The following SPON1 variants were observed in gnomAD, a reference collection of about 807,000 sequenced individuals.
SPON1 encodes the protein spondin-1.
Under a neutral mutation model 111.7 loss-of-function variants are expected in SPON1, and 52 were observed. The observed-to-expected ratio is 0.47, with a 90% CI of 0.37 to 0.59. The LOEUF (loss-of-function observed/expected upper bound fraction) is 0.59. SPON1 is among the 20% of genes least tolerant of loss of function. The pLI is 0.00. For missense variants in SPON1, 957 were observed against 1,068.5 expected (o/e 0.90, Z 1.46); for synonymous variants, 410 against 395.8 (o/e 1.04, Z -0.43).
intron 6 of SPON1, among the ~76,000 whole-genome samples, chr11:14,167,912 GT>G (rs1303803047): frequency 6.6e-6 from 1 of 152,104 alleles, no homozygotes; most frequent in African/African-American, 2.4e-5. Flanking sequence ...TAAGACTTCA[GT>G]TTTGTCCCAT....
At chr11:13,989,825 C>T (rs367905475) in intron 2 of SPON1, among the ~76,000 whole-genome samples, 3 of 151,946 alleles carry the variant, frequency 2.0e-5, no homozygotes, top group Non-Finnish European at 4.4e-5. Flanking sequence ...TTCAGGAGCA[C>T]GTTGTTCAGT....
At chr11:14,237,056 T>C (rs1554939274) in intron 6 of SPON1, among the ~76,000 whole-genome samples, 1 of 152,198 alleles carries the variant, frequency 6.6e-6, no homozygotes, top group African/African-American at 2.4e-5. Context: ...CCAGAGGCTG[T>C]TGAAATGAGG....
chr11:14,213,232 T>C (rs1288656928), intron 6 of SPON1, among the ~76,000 whole-genome samples: 1 of 152,186 alleles, frequency 6.6e-6, no homozygotes, highest in African/African-American at 2.4e-5. Context: ...AAACTCTGTG[T>C]CCAAATAGGA....
chr11:14,163,858 A>C (rs1847996917), intron 6 of SPON1, among the ~76,000 whole-genome samples: 1 of 150,974 alleles, frequency 6.6e-6, no homozygotes, highest in South Asian at 2.1e-4. Context: ...CTTTAGCAAC[A>C]GCCCTGGTTA....
At chr11:14,245,383 C>T (rs1409063651) in intron 7 of SPON1, among the ~76,000 whole-genome samples, 1 of 152,194 alleles carries the variant, frequency 6.6e-6, no homozygotes, top group Admixed American at 6.5e-5. Flanking sequence ...GACAACAGAC[C>T]AAGTTGGGCC....
intron 2 of SPON1, among the ~76,000 whole-genome samples, chr11:14,009,012 A>G (rs1260346376): frequency 2.0e-5 from 3 of 152,144 alleles, no homozygotes; most frequent in African/African-American, 7.2e-5. Context: ...GGACGACCAT[A>G]GTAACCTTTC....
At chr11:14,052,905 G>A (rs1230154264) in intron 3 of SPON1, among the ~76,000 whole-genome samples, 1 of 152,222 alleles carries the variant, frequency 6.6e-6, no homozygotes. Flanking sequence ...TTGGTGGGAA[G>A]ACTAAAGCAC....
chr11:14,127,710 G>T (rs1467721672), intron 5 of SPON1, among the ~76,000 whole-genome samples: 1 of 152,196 alleles, frequency 6.6e-6, no homozygotes, highest in African/African-American at 2.4e-5. Flanking sequence ...CCTTGGCATT[G>T]TGCCTGACAC....
At chr11:14,003,703 A>G (rs771461806) in intron 2 of SPON1, among the ~76,000 whole-genome samples, 8 of 152,164 alleles carry the variant, frequency 5.3e-5, no homozygotes, top group Non-Finnish European at 1.2e-4. Context: ...TTATGTATAG[A>G]TAGTATACAT....
intron 6 of SPON1, among the ~76,000 whole-genome samples, chr11:14,199,811 G>T (rs1848442105): frequency 6.6e-6 from 1 of 152,204 alleles, no homozygotes; most frequent in Non-Finnish European, 1.5e-5. Flanking sequence ...GAGGGTGCAA[G>T]CCCTCAGTGG....
chr11:14,242,065 C>T (rs1006655076), intron 6 of SPON1, among the ~76,000 whole-genome samples: 10 of 152,128 alleles, frequency 6.6e-5, no homozygotes, highest in Non-Finnish European at 1.0e-4. Flanking sequence ...AAGCCAACTT[C>T]CTCTGCACCA....
At chr11:14,080,226 AT>A (rs1220366225) in intron 5 of SPON1, among the ~76,000 whole-genome samples, 1 of 142,500 alleles carries the variant, frequency 7.0e-6, no homozygotes, top group Non-Finnish European at 1.6e-5. Context: ...GCATTGTGCT[AT>A]TTTTTTTCTT....
chr11:14,168,965 T>C (rs1312888364), intron 6 of SPON1, among the ~76,000 whole-genome samples: 2 of 152,232 alleles, frequency 1.3e-5, no homozygotes, highest in African/African-American at 4.8e-5. Flanking sequence ...AAAACATATG[T>C]GTGCATGTGT....
intron 3 of SPON1, among the ~76,000 whole-genome samples, chr11:14,048,988 G>C (rs1848689141): frequency 6.6e-6 from 1 of 152,202 alleles, no homozygotes; most frequent in East Asian, 1.9e-4. Flanking sequence ...AGACGTAAGA[G>C]ACAAGAGCCA....
At chr11:14,248,535 C>G (rs77607559) in intron 7 of SPON1, among the ~76,000 whole-genome samples, 4 of 152,116 alleles carry the variant, frequency 2.6e-5, no homozygotes, top group Non-Finnish European at 4.4e-5. Flanking sequence ...CCTCTGCACT[C>G]GGCGCTACTG....
At chr11:14,003,664 G>T (rs1204091259) in intron 2 of SPON1, among the ~76,000 whole-genome samples, 1 of 152,076 alleles carries the variant, frequency 6.6e-6, no homozygotes, top group East Asian at 1.9e-4. Context: ...ATTGGCATTT[G>T]GGCCATATTT....
intron 7 of SPON1, among the ~76,000 whole-genome samples, chr11:14,252,344 A>G (rs1849061741): frequency 6.8e-6 from 1 of 147,120 alleles, no homozygotes; most frequent in African/African-American, 2.6e-5. Flanking sequence ...AGCGCTATGT[A>G]TCTGCCTCAG....
At chr11:14,209,012 T>C (rs1848545072) in intron 6 of SPON1, among the ~76,000 whole-genome samples, 1 of 152,240 alleles carries the variant, frequency 6.6e-6, no homozygotes, top group Non-Finnish European at 1.5e-5. Context: ...TAAAAATAAG[T>C]GGCGATTCTG....
intron 3 of SPON1, among the ~76,000 whole-genome samples, chr11:14,057,844 C>CAAAAAAAAAAAAAAAAAAAAAAAAA (rs1277903384): frequency 8.0e-6 from 1 of 125,460 alleles, no homozygotes; most frequent in Non-Finnish European, 1.7e-5. Flanking sequence ...AAAAAAAAAA[C>CAAAAAAAAAAAAAAAAAAAAAAAAA]AAAACAAAAA....
Sources: gnomAD v4.1 joint callset for allele counts (sites outside exome capture counted in the v4.1 genomes callset) on GRCh38, gnomAD v4.1.1 for gene constraint, MANE v1.5 for transcripts, NCBI Gene and HGNC (gene_info 2026-07-23, HGNC 2026-07-21) for gene names.